The following NUP155 variants were observed in gnomAD, a reference collection of about 807,000 sequenced individuals.
NUP155 encodes the protein nucleoporin 155, also known as nuclear pore complex protein Nup155.
NUP155 carries 71 observed loss-of-function variants against 180.4 expected under a neutral mutation model. The observed-to-expected ratio is 0.39, with a 90% confidence interval of 0.33 to 0.48. The LOEUF (loss-of-function observed/expected upper bound fraction) is 0.48. Among genes scored for constraint, NUP155 ranks in the 20% least tolerant of loss-of-function variants. NUP155 has a pLI of 0.91. For missense variants in NUP155, 1,553 were observed against 1,648.9 expected (o/e 0.94, Z 1.01); for synonymous variants, 582 against 559.5 (o/e 1.04, Z -0.57).
chr5:37,292,807 A>C (rs940558691), intron 34 of NUP155, 72 bp downstream of exon 34: 6 of 936,976 alleles, frequency 6.4e-6, no homozygotes, highest in Non-Finnish European at 8.8e-6. Flanking sequence ...TCTTCTCTTC[A>C]AATTTTTTAC....
In NUP155 at chr5:37,324,071, C is replaced by T. The variant is rs756180840; in HGVS notation, c.2128G>A (p.Val710Met). The T allele has an allele frequency of 6.8e-6, 11 of 1,613,724 alleles. No homozygotes were observed. The highest frequency in any genetic ancestry group is 1.6e-4 in the Middle Eastern group (1 of 6,080). Residue 710 changes from valine (V) to methionine (M), a missense_variant, in exon 20 of 35, where the codon GTG becomes ATG. Val to Met is a conservative substitution (Grantham distance 21). Transcript: ENST00000231498. ...TGCAAACCCTTTAGTTCTTGTAGCA[C>T]TGACTCTAGCAGTTGGCAGGGAACA... ...SSVPCQLLESVLQELKGLQEF... is the reference protein window; with the variant it reads ...SSVPCQLLESMLQELKGLQEF...
chr5:37,327,803 C>A (rs1554128178), intron 17 of NUP155, 27 bp from the exon 18 acceptor site: 15 of 1,611,504 alleles, frequency 9.3e-6, no homozygotes, highest in Middle Eastern at 3.3e-4. Flanking sequence ...AAAAACAAAT[C>A]TCTTAATCTT....
chr5:37,355,800 G>A (rs987645170), intron 4 of NUP155, among the ~76,000 whole-genome samples: 31 of 151,658 alleles, frequency 2.0e-4, no homozygotes, highest in Admixed American at 1.7e-3. Flanking sequence ...GGATGGTCTC[G>A]ATCTCCTGAC....
At chr5:37,331,080 T>C (rs1252240292) in intron 14 of NUP155, among the ~76,000 whole-genome samples, 2 of 147,410 alleles carry the variant, frequency 1.4e-5, no homozygotes, top group African/African-American at 5.0e-5. Flanking sequence ...ACCTGGGAGG[T>C]GGAGCTTAGA....
At chr5:37,336,731 C>T (rs1745350635) in intron 12 of NUP155, among the ~76,000 whole-genome samples, 2 of 152,132 alleles carry the variant, frequency 1.3e-5, no homozygotes, top group African/African-American at 4.8e-5. Flanking sequence ...GCACTCCTTA[C>T]CTCCTTATCT....
At position 37,288,269 on chromosome 5, in the gene NUP155, C is replaced by T. The variant is rs1055548564; in HGVS notation, c.*3631G>A. 5 of 152,096 alleles carry T rather than the reference C, an allele frequency of 3.3e-5. No homozygotes were observed. The highest frequency in any genetic ancestry group is 1.2e-4 in the African/African-American group (5 of 41,410). 9.4% of individuals were successfully genotyped at this position (152,096 alleles called of 1,614,324 possible). Reference sequence around the variant, plus strand: ...TTCATTTCCTTGATACAACTCTGTACCATGGTCATAATTTTTCCGTCTCAT... The same window carrying T: ...TTCATTTCCTTGATACAACTCTGTATCATGGTCATAATTTTTCCGTCTCAT... On this transcript the variant is annotated 3_prime_UTR_variant, in exon 35 of 35. Coordinates refer to ENST00000231498, the MANE Select transcript of NUP155 (RefSeq NM_153485.3).
rs1365302015 is a variant in NUP155, at chr5:37,290,384, G to A, written c.*1516C>T. On this transcript the variant is annotated 3_prime_UTR_variant, in exon 35 of 35. Transcript: ENST00000231498. ...CCCAGCTACTCGAGAGGCTGAGGCA[G>A]GCAAATTGCTTCAAACCTGTGAGGC... 1 of 151,880 alleles carries A rather than the reference G, an allele frequency of 6.6e-6. No homozygotes were observed. The highest frequency in any genetic ancestry group is 1.5e-5 in the Non-Finnish European group (1 of 68,016). 9.4% of individuals were successfully genotyped at this position (151,880 alleles called of 1,614,324 possible).
At chr5:37,333,895 G>A (rs866578004) in intron 12 of NUP155, among the ~76,000 whole-genome samples, 5 of 151,028 alleles carry the variant, frequency 3.3e-5, no homozygotes, top group Non-Finnish European at 7.4e-5. Flanking sequence ...TTTGCCTCCC[G>A]GGTTCAAGTG....
At chr5:37,305,246 T>A in intron 25 of NUP155, 36 bp from the exon 26 acceptor site, 3 of 1,573,702 alleles carry the variant, frequency 1.9e-6, no homozygotes, top group Middle Eastern at 2.2e-4. Flanking sequence ...TTACATTATT[T>A]AACTAGAAAG....
At position 37,351,212 on chromosome 5, in the gene NUP155, C is replaced by G. The variant is rs531637570; in HGVS notation, c.701G>C (p.Cys234Ser). 2 of 1,613,604 alleles carry G rather than the reference C, an allele frequency of 1.2e-6. No homozygotes were observed. The highest frequency in any genetic ancestry group is 1.7e-5 in the Admixed American group (1 of 59,974). Residue 234 changes from cysteine (C) to serine (S), a missense_variant, in exon 6 of 35, where the codon TGT becomes TCT. Coordinates refer to ENST00000231498, the MANE Select transcript of NUP155 (RefSeq NM_153485.3). ...TACCTGGTAGGCTACTTCATATAAA[C>G]AGCCATCCTTTCCAGCCAAGAAAAT... ...GRIFLAGKDG[C>S]LYEVAYQAEA...
In NUP155 at chr5:37,289,989, T is replaced by C. The variant is rs565982535; in HGVS notation, c.*1911A>G. 19 of 152,316 alleles carry C rather than the reference T, an allele frequency of 1.2e-4. No homozygotes were observed. Among genetic ancestry groups the C allele is most frequent in the African/African-American group, 4.3e-4 (18 of 41,566 alleles). The allele number at this position is 152,316 out of a possible 1,614,324, so 9.4% of individuals were successfully genotyped here. The stretch of plus-strand genomic sequence containing the variant: ...CACTGAGTGACGTTCTGGCATTCTA[T>C]TAAATATTCTACATTAGAAGATTAT... On this transcript the variant is annotated 3_prime_UTR_variant, in exon 35 of 35. Coordinates refer to ENST00000231498, the MANE Select transcript of NUP155 (RefSeq NM_153485.3).
chr5:37,329,094 TAAAAC>T lies in NUP155; in HGVS notation c.1813+91_1813+95del, dbSNP rs201076370. 7.2e-6 allele frequency: 6 copies of T among 837,882 alleles called. No individual in the cohort carries two copies. The East Asian group carries it at 1.6e-4, about 22-fold the overall frequency. 51.9% of individuals were successfully genotyped at this position (837,882 alleles called of 1,614,324 possible). ...TCATCAATTATACAATAGCAGTAAA[TAAAAC>T]ATAATGAAAAGGCTTATTGATAAAA... is the stretch of plus-strand genomic sequence containing the variant. On this transcript the variant is annotated intron_variant, in intron 16 of 34. Coordinates refer to ENST00000231498, the MANE Select transcript of NUP155 (RefSeq NM_153485.3).
chr5:37,310,574 G>A lies in NUP155; in HGVS notation c.2606C>T (p.Thr869Ile), dbSNP rs1247489827. ...LQDICPLLYS[T>I]DDAICSKANE... is the part of the protein sequence containing the mutation. ...TACCTTAGAACAAATTGCATCATCA[G>A]TGCTATATAGAAGTGGGCAGATATC... Residue 869 changes from threonine to isoleucine, a missense_variant, in exon 23 of 35, where the codon ACT becomes ATT. By Grantham distance (89) the Thr-to-Ile change is moderately conservative. Coordinates refer to ENST00000231498, the MANE Select transcript of NUP155 (RefSeq NM_153485.3). 1.2e-6 allele frequency: 2 copies of A among 1,613,210 alleles called. No homozygotes were observed. The highest frequency in any genetic ancestry group is 2.2e-5 in the South Asian group (2 of 91,052).
intron 29 of NUP155, 65 bp downstream of exon 29, chr5:37,302,714 G>C (rs1471675572): frequency 6.5e-7 from 1 of 1,534,262 alleles, no homozygotes; most frequent in African/African-American, 1.4e-5. Flanking sequence ...AGGGAAGAAT[G>C]GAATGTGGAA....
intron 9 of NUP155, among the ~76,000 whole-genome samples, chr5:37,344,661 G>A (rs939204005): frequency 1.3e-5 from 2 of 151,868 alleles, no homozygotes; most frequent in African/African-American, 4.8e-5. Context: ...AGCACTTTGG[G>A]AGGCTGAGGC....
chr5:37,315,455 G>T (rs566487909), intron 21 of NUP155, among the ~76,000 whole-genome samples: 2 of 152,240 alleles, frequency 1.3e-5, no homozygotes, highest in South Asian at 4.1e-4. Flanking sequence ...AAAGCACAAT[G>T]AAATATTTGA....
chr5:37,337,298 A>G (rs933488938), intron 12 of NUP155, among the ~76,000 whole-genome samples: 14 of 152,148 alleles, frequency 9.2e-5, no homozygotes, highest in Admixed American at 3.3e-4. Flanking sequence ...ATGAAATACA[A>G]TAAGAAAGAT....
intron 9 of NUP155, among the ~76,000 whole-genome samples, chr5:37,345,151 T>TA (rs1330184498): frequency 3.6e-4 from 52 of 143,520 alleles, no homozygotes; most frequent in South Asian, 2.0e-3. Flanking sequence ...GCAGCAGAGT[T>TA]AAAAAAAAAA....
At chr5:37,340,427 A>G (rs1745637686) in intron 11 of NUP155, among the ~76,000 whole-genome samples, 1 of 151,894 alleles carries the variant, frequency 6.6e-6, no homozygotes, top group Admixed American at 6.6e-5. Flanking sequence ...CCTCGGCAAC[A>G]GAGCCAGACC....
Sources: allele counts gnomAD v4.1 joint callset (sites outside exome capture counted in the v4.1 genomes callset), GRCh38; gene constraint gnomAD v4.1.1; transcripts MANE v1.5; gene names NCBI Gene and HGNC (gene_info 2026-07-23, HGNC 2026-07-21).